The following DNAH6 variants were observed in gnomAD, a reference collection of about 807,000 sequenced individuals.
DNAH6 encodes the protein dynein axonemal heavy chain 6, also known as axonemal beta dynein heavy chain 6.
A neutral mutation model predicts 491.4 loss-of-function variants in DNAH6; 340 were observed. The ratio of observed to expected loss-of-function variants is 0.69; its 90% CI spans 0.63 to 0.76. DNAH6 has a LOEUF of 0.76. Ranked by LOEUF, DNAH6 falls within the 30% of genes least tolerant of loss-of-function variation. The pLI is 0.00. For missense variants in DNAH6, 4,443 were observed against 4,972.2 expected (o/e 0.89, Z 3.20); for synonymous variants, 1,603 against 1,686.1 (o/e 0.95, Z 1.21).
chr2:84,543,418 T>G (rs550346139), intron 4 of DNAH6, among the ~76,000 whole-genome samples: 1 of 152,326 alleles, frequency 6.6e-6, no homozygotes, highest in African/African-American at 2.4e-5. Context: ...TAGAAAAATG[T>G]TATTTTCCTA....
chr2:84,769,504 G>T (rs566040356), intron 64 of DNAH6, among the ~76,000 whole-genome samples: 1 of 152,300 alleles, frequency 6.6e-6, no homozygotes, highest in East Asian at 1.9e-4. Context: ...AGAGCTTTGT[G>T]GCATTTTAAC....
At chr2:84,682,252 G>A (rs911534681) in intron 42 of DNAH6, among the ~76,000 whole-genome samples, 1 of 152,188 alleles carries the variant, frequency 6.6e-6, no homozygotes, top group African/African-American at 2.4e-5. Context: ...TTACAGCAAT[G>A]TCCACGCAAC....
At chr2:84,796,685 T>C (rs1422703213) in intron 69 of DNAH6, among the ~76,000 whole-genome samples, 1 of 152,206 alleles carries the variant, frequency 6.6e-6, no homozygotes, top group Non-Finnish European at 1.5e-5. Context: ...TGTTATGTTC[T>C]AGTATGTTTT....
At chr2:84,539,357 T>G (rs1172723474) in intron 4 of DNAH6, among the ~76,000 whole-genome samples, 1 of 152,056 alleles carries the variant, frequency 6.6e-6, no homozygotes, top group Non-Finnish European at 1.5e-5. Context: ...CTGGCACTGC[T>G]CTGGAGCTAT....
chr2:84,670,800 T>C (rs1158656894), intron 39 of DNAH6, among the ~76,000 whole-genome samples: 2 of 152,236 alleles, frequency 1.3e-5, no homozygotes, highest in East Asian at 1.9e-4. Context: ...ATTTGGCACA[T>C]TGGGTTATCT....
chr2:84,699,489 C>A, intron 47 of DNAH6, 105 bp from the exon 48 acceptor site: 3 of 968,714 alleles, frequency 3.1e-6, no homozygotes, highest in Non-Finnish European at 4.5e-6. Context: ...ACTATGCTGA[C>A]ATTTTATATT....
At chr2:84,695,966 G>A (rs946482724) in intron 46 of DNAH6, among the ~76,000 whole-genome samples, 2 of 151,714 alleles carry the variant, frequency 1.3e-5, no homozygotes, top group South Asian at 2.1e-4. Flanking sequence ...AAGAGTAAAC[G>A]TAACCATAAA....
chr2:84,605,638 C>A, intron 20 of DNAH6, 46 bp downstream of exon 20: 1 of 1,235,638 alleles, frequency 8.1e-7, no homozygotes, highest in Non-Finnish European at 1.2e-6. Context: ...ATCCCAGCCA[C>A]ACCTAGTCTT....
chr2:84,807,450 A>T (rs1253602817), intron 71 of DNAH6, among the ~76,000 whole-genome samples: 4 of 152,198 alleles, frequency 2.6e-5, no homozygotes, highest in Non-Finnish European at 5.9e-5. Flanking sequence ...TTTTCCATCC[A>T]GTTTGAACTA....
At position 84,553,041 on chromosome 2, in the gene DNAH6, GT is replaced by G; in HGVS notation, c.1602+12del. Reference sequence around the variant, plus strand: ...TTCTCTGGAAGACTTTCTGGTGTGTGTTTTTCATGTATTATCCACATGCAAG... The same window carrying G: ...TTCTCTGGAAGACTTTCTGGTGTGTGTTTTCATGTATTATCCACATGCAAG... On this transcript the variant is annotated splice_region_variant and intron_variant, in intron 10 of 76. Transcript: ENST00000389394. 2.0e-6 allele frequency: 3 copies of G among 1,512,552 alleles called. No individual in the cohort carries two copies. Among genetic ancestry groups the G allele is most frequent in the South Asian group, 1.2e-5 (1 of 83,748 alleles). The allele number at this position is 1,512,552 out of a possible 1,614,324, so 93.7% of individuals were successfully genotyped here.
chr2:84,806,400 A>G (rs946995862), intron 71 of DNAH6, among the ~76,000 whole-genome samples: 4 of 152,200 alleles, frequency 2.6e-5, no homozygotes, highest in African/African-American at 9.7e-5. Context: ...CAGGCGGATC[A>G]CAAGGTCAGG....
intron 71 of DNAH6, among the ~76,000 whole-genome samples, chr2:84,808,131 ATGTG>A (rs35839006): frequency 0.071 from 10,057 of 141,084 alleles, 379 homozygotes; most frequent in South Asian, 0.17. Flanking sequence ...GTGTATATAT[ATGTG>A]TGTGTGTGTG....
At chr2:84,538,548 C>G (rs1286105879) in intron 4 of DNAH6, among the ~76,000 whole-genome samples, 1 of 152,130 alleles carries the variant, frequency 6.6e-6, no homozygotes, top group Non-Finnish European at 1.5e-5. Flanking sequence ...ACCATGTCTC[C>G]TATACCTCAG....
chr2:84,482,385 C>G, the DNAH6 span, among the ~76,000 whole-genome samples: 1 of 152,198 alleles, frequency 6.6e-6, no homozygotes, highest in African/African-American at 2.4e-5. Context: ...AGTCATGCTT[C>G]CAGGTGAAAT....
chr2:84,795,709 A>G (rs939709614), intron 68 of DNAH6, among the ~76,000 whole-genome samples: 1 of 152,214 alleles, frequency 6.6e-6, no homozygotes, highest in Non-Finnish European at 1.5e-5. Context: ...CTTGCTACAC[A>G]TAATTTTGGG....
the DNAH6 span, among the ~76,000 whole-genome samples, chr2:84,478,642 C>T: frequency 6.6e-6 from 1 of 152,040 alleles, no homozygotes. Flanking sequence ...AGTTGAATAC[C>T]CTGTGTGCAA....
chr2:84,720,567 C>T (rs1364077510), intron 59 of DNAH6, among the ~76,000 whole-genome samples: 1 of 151,992 alleles, frequency 6.6e-6, no homozygotes, highest in East Asian at 1.9e-4. Context: ...CGTGAGCCAC[C>T]GCGCCCGGCC....
At chr2:84,531,704 A>T (rs1677187077) in intron 4 of DNAH6, among the ~76,000 whole-genome samples, 1 of 151,996 alleles carries the variant, frequency 6.6e-6, no homozygotes, top group East Asian at 1.9e-4. Context: ...TAATTTTGGG[A>T]TGTCAAAAGG....
At chr2:84,762,126 A>G (rs1031392427) in intron 63 of DNAH6, among the ~76,000 whole-genome samples, 27 of 152,106 alleles carry the variant, frequency 1.8e-4, no homozygotes, top group African/African-American at 6.0e-4. Context: ...AAATTGATGT[A>G]GGAAATGGCC....
Sources: allele counts gnomAD v4.1 joint callset (sites outside exome capture counted in the v4.1 genomes callset), GRCh38; gene constraint gnomAD v4.1.1; transcripts MANE v1.5; gene names NCBI Gene and HGNC (gene_info 2026-07-23, HGNC 2026-07-21).